RANBP17: variants seen among roughly 807,000 people sequenced by gnomAD.
RANBP17 encodes ran-binding protein 17.
In RANBP17, 158 loss-of-function variants were observed where a neutral mutation model predicts 141.2. That is an observed-to-expected ratio of 1.12 (90% CI 0.98 to 1.28). The LOEUF (loss-of-function observed/expected upper bound fraction) is 1.28. Among genes scored for constraint, RANBP17 ranks in the 50% most tolerant of loss-of-function variants. RANBP17 has a pLI of 0.00. For synonymous variants in RANBP17, 430 were observed against 450.0 expected (o/e 0.96, Z 0.56); for missense variants, 1,438 against 1,290.7 (o/e 1.11, Z -1.75).
intron 14 of RANBP17, among the ~76,000 whole-genome samples, chr5:170,984,218 G>A (rs1315576311): frequency 6.6e-6 from 1 of 152,126 alleles, no homozygotes; most frequent in East Asian, 1.9e-4. Flanking sequence ...AGACTGACCA[G>A]TTTGTCATCC....
chr5:171,075,410 A>G (rs1784858495), intron 14 of RANBP17, among the ~76,000 whole-genome samples: 1 of 152,190 alleles, frequency 6.6e-6, no homozygotes, highest in Non-Finnish European at 1.5e-5. Context: ...CATGGGTGAA[A>G]CTTCAAAAAA....
intron 1 of RANBP17, among the ~76,000 whole-genome samples, chr5:170,875,645 T>G (rs948416188): frequency 3.9e-5 from 6 of 152,084 alleles, no homozygotes; most frequent in African/African-American, 1.4e-4. Context: ...GCTGTGTTTT[T>G]CAGCTCCATC....
chr5:171,004,471 C>A (rs983507121), intron 14 of RANBP17, among the ~76,000 whole-genome samples: 2 of 152,082 alleles, frequency 1.3e-5, no homozygotes, highest in South Asian at 2.1e-4. Flanking sequence ...GCTTGGCCAT[C>A]AATACCCACA....
At chr5:171,219,013 G>A (rs1055338606) in intron 21 of RANBP17, among the ~76,000 whole-genome samples, 17 of 152,116 alleles carry the variant, frequency 1.1e-4, no homozygotes, top group African/African-American at 4.1e-4. Flanking sequence ...GTATTTTGGT[G>A]CGTTTTTGCA....
chr5:171,225,042 C>T (rs963295113), intron 22 of RANBP17, among the ~76,000 whole-genome samples: 12 of 152,090 alleles, frequency 7.9e-5, no homozygotes, highest in East Asian at 5.8e-4. Context: ...GACTAGTTAA[C>T]GACTGTGATT....
At chr5:171,225,982 G>A (rs1581066534) in intron 22 of RANBP17, among the ~76,000 whole-genome samples, 1 of 152,150 alleles carries the variant, frequency 6.6e-6, no homozygotes, top group East Asian at 1.9e-4. Flanking sequence ...TGTTTGTACA[G>A]CCCAGGTAAC....
chr5:170,952,862 T>C (rs1016204165), intron 12 of RANBP17, among the ~76,000 whole-genome samples: 2 of 152,038 alleles, frequency 1.3e-5, no homozygotes, highest in East Asian at 1.9e-4. Context: ...TAAAATAATA[T>C]ACCTTAAGCA....
chr5:171,096,847 C>A (rs1211275546), intron 14 of RANBP17, among the ~76,000 whole-genome samples: 1 of 152,030 alleles, frequency 6.6e-6, no homozygotes, highest in Non-Finnish European at 1.5e-5. Flanking sequence ...CAACAAAACT[C>A]TGTGAAGAAG....
At chr5:171,049,265 G>A (rs1374491675) in intron 14 of RANBP17, among the ~76,000 whole-genome samples, 1 of 152,184 alleles carries the variant, frequency 6.6e-6, no homozygotes, top group African/African-American at 2.4e-5. Context: ...CTTGTTGGCT[G>A]CATGTATGTC....
chr5:171,277,495 G>A (rs1581170129), intron 25 of RANBP17, among the ~76,000 whole-genome samples: 3 of 149,840 alleles, frequency 2.0e-5, no homozygotes, highest in African/African-American at 7.4e-5. Flanking sequence ...GGGTTTCTGG[G>A]ACATAAGATG....
rs529972019 is a variant in RANBP17, at chr5:170,996,147, C to T, written c.1710+27770C>T. The stretch of plus-strand genomic sequence containing the variant: ...GAAAAGCTCATGGAAAAATGATAAT[C>T]TTTCTACATCAAAAGGGCTAGAAAT... On this transcript the variant is annotated intron_variant, in intron 14 of 27. Transcript: ENST00000523189. Among the ~76,000 whole-genome samples the T allele has an allele frequency of 3.2e-4, 48 of 152,238 alleles. 1 individual carries two copies. The South Asian group carries it at 1.0e-2, about 32-fold the overall frequency.
At chr5:170,990,580 TA>T (rs534848729) in intron 14 of RANBP17, among the ~76,000 whole-genome samples, 1 of 151,882 alleles carries the variant, frequency 6.6e-6, no homozygotes, top group African/African-American at 2.4e-5. Context: ...TCAGGGCTGG[TA>T]AAAAAATATA....
intron 14 of RANBP17, among the ~76,000 whole-genome samples, chr5:171,029,442 A>G (rs1781420730): frequency 6.6e-6 from 1 of 151,780 alleles, no homozygotes; most frequent in Non-Finnish European, 1.5e-5. Context: ...ATGTTTGTAG[A>G]TGGCTTGGAA....
At chr5:171,184,049 C>T (rs1581811431) in intron 18 of RANBP17, among the ~76,000 whole-genome samples, 2 of 152,082 alleles carry the variant, frequency 1.3e-5, no homozygotes, top group East Asian at 1.9e-4. Flanking sequence ...TTAGTACAGC[C>T]ATTGTGAATA....
At chr5:170,890,670 T>C (rs913388039) in intron 3 of RANBP17, among the ~76,000 whole-genome samples, 2 of 152,198 alleles carry the variant, frequency 1.3e-5, no homozygotes, top group Non-Finnish European at 2.9e-5. Flanking sequence ...TTTTTTCTCT[T>C]TTAAAAATTC....
chr5:170,996,508 A>C (rs958583395), intron 14 of RANBP17, among the ~76,000 whole-genome samples: 1 of 152,128 alleles, frequency 6.6e-6, no homozygotes, highest in Non-Finnish European at 1.5e-5. Flanking sequence ...AATATGAAGA[A>C]AGTTTTCTGT....
intron 25 of RANBP17, among the ~76,000 whole-genome samples, chr5:171,277,938 CTTTTTTTTTTTTTTTTTT>C (rs140208253): frequency 0.01 from 740 of 72,318 alleles, 23 homozygotes; most frequent in African/African-American, 0.032. Flanking sequence ...GGACTTCTTT[CTTTTTTTTTTTTTTTTTT>C]TTTTTTTTTT....
intron 12 of RANBP17, among the ~76,000 whole-genome samples, chr5:170,947,907 CGTCA>C: frequency 6.6e-6 from 1 of 152,196 alleles, no homozygotes; most frequent in East Asian, 1.9e-4. Context: ...ACTAGGATGG[CGTCA>C]CTTTCACCAA....
chr5:171,047,673 C>T (rs1782685352), intron 14 of RANBP17, among the ~76,000 whole-genome samples: 1 of 152,046 alleles, frequency 6.6e-6, no homozygotes, highest in Admixed American at 6.6e-5. Flanking sequence ...CTCCTGACCT[C>T]ATGATCCGCC....
Sources: gnomAD v4.1 joint callset for allele counts (sites outside exome capture counted in the v4.1 genomes callset) on GRCh38, gnomAD v4.1.1 for gene constraint, MANE v1.5 for transcripts, NCBI Gene and HGNC (gene_info 2026-07-23, HGNC 2026-07-21) for gene names.